The following SOX13 variants were observed in gnomAD, a reference collection of about 807,000 sequenced individuals.
SOX13 encodes transcription factor SOX-13.
SOX13 carries 28 observed loss-of-function variants against 71.8 expected under a neutral mutation model. The ratio of observed to expected loss-of-function variants is 0.39; its 90% CI spans 0.29 to 0.53. The LOEUF (loss-of-function observed/expected upper bound fraction) is 0.53, where lower values mean the gene tolerates loss of function less well. SOX13 is among the 20% of genes least tolerant of loss of function. SOX13 has a pLI of 0.70. For missense variants in SOX13, 627 were observed against 810.3 expected, an observed-to-expected ratio of 0.77 and a Z score of 2.75; for synonymous variants, 309 against 317.8, an observed-to-expected ratio of 0.97 and a Z score of 0.29.
intron 1 of SOX13, among the ~76,000 whole-genome samples, chr1:204,088,573 T>C (rs912026589): frequency 1.3e-5 from 2 of 152,224 alleles, no homozygotes; most frequent in African/African-American, 2.4e-5. Context: ...TTTTTGCACC[T>C]GTCTGTGCCT....
chr1:204,086,817 C>T (rs1338515120), intron 1 of SOX13, among the ~76,000 whole-genome samples: 5 of 152,136 alleles, frequency 3.3e-5, no homozygotes, highest in African/African-American at 1.2e-4. Context: ...GTGCTGGGCT[C>T]ACAGTAAATG....
At chr1:204,075,951 T>A (rs1172205916) in intron 1 of SOX13, among the ~76,000 whole-genome samples, 1 of 152,200 alleles carries the variant, frequency 6.6e-6, no homozygotes, top group Non-Finnish European at 1.5e-5. Context: ...ATTATAACAT[T>A]GCCCACTTCT....
At chr1:204,124,311 C>T (rs1656873999) in intron 12 of SOX13, among the ~76,000 whole-genome samples, 1 of 152,174 alleles carries the variant, frequency 6.6e-6, no homozygotes, top group Non-Finnish European at 1.5e-5. Flanking sequence ...GAGCAGGGAG[C>T]CTGTCTGGGT....
intron 1 of SOX13, among the ~76,000 whole-genome samples, chr1:204,096,088 G>A (rs528677498): frequency 6.6e-6 from 1 of 152,132 alleles, no homozygotes; most frequent in East Asian, 1.9e-4. Context: ...CACTTGAGTT[G>A]TTTCCCATTT....
chr1:204,102,143 G>C lies in SOX13; in HGVS notation c.-1-10772G>C, dbSNP rs1215859315. On this transcript the variant is annotated intron_variant, in intron 1 of 13. Coordinates refer to ENST00000367204, the MANE Select transcript of SOX13 (RefSeq NM_005686.3). ...GGCTTAGTCTACATGGCTTAGACTT[G>C]TCACAAAGCAAAAGCCGATAATGCC... 2.0e-5 allele frequency among the ~76,000 whole-genome samples: 3 copies of C among 152,198 alleles called. No individual in the cohort carries two copies. The East Asian group carries it at 5.8e-4, about 29-fold the overall frequency.
intron 1 of SOX13, among the ~76,000 whole-genome samples, chr1:204,102,657 T>C (rs1656384647): frequency 6.6e-6 from 1 of 150,804 alleles, no homozygotes; most frequent in Non-Finnish European, 1.5e-5. Flanking sequence ...CCTGGTGTTC[T>C]GCAGGTGCAT....
Position 204,122,843 on chromosome 1 carries a change from C to G in SOX13, c.1025-11C>G. On this transcript the variant is annotated splice_polypyrimidine_tract_variant and intron_variant, in intron 9 of 13. Coordinates refer to ENST00000367204, the MANE Select transcript of SOX13 (RefSeq NM_005686.3). ...TCGCTTCTCTTCCCTCTCTTCTGCC[C>G]TCTCCCACAGGCTTCCTTGGTGAAG... The G allele has an allele frequency of 6.6e-7, 1 of 1,525,234 alleles. No individual in the cohort carries two copies. Among genetic ancestry groups the G allele is most frequent in the South Asian group, 1.2e-5 (1 of 82,804 alleles). The allele number at this position is 1,525,234 out of a possible 1,614,324, so 94.5% of individuals were successfully genotyped here. A position where few individuals can be genotyped will look rare whatever the true frequency, so the allele number is the denominator to read the frequency against.
chr1:204,123,895 A>G lies in SOX13; in HGVS notation c.1375+91A>G. On this transcript the variant is annotated intron_variant, in intron 12 of 13. Transcript: ENST00000367204. The surrounding 1 kb of genome is among the most constrained non-coding windows in gnomAD (Gnocchi z 5.0). ...CAGGGCTTGCTTGGTGATATTCCAT[A>G]CTGTGTTGGACTCCAGTGGAATCTG... The G allele has an allele frequency of 2.2e-6, 3 of 1,380,022 alleles. No homozygotes were observed. In the South Asian group the frequency reaches 3.8e-5, roughly 18 times the overall value. The allele number at this position is 1,380,022 out of a possible 1,614,324, so 85.5% of individuals were successfully genotyped here.
At position 204,105,413 on chromosome 1, in the gene SOX13, C is replaced by CTTTTTTTTTTTTTTT. The variant is rs35841451; in HGVS notation, c.-1-7492_-1-7491insTTTTTTTTTTTTTTT. ...GAAGGCCTCTGACTCTGTATAATCTCTTTTTTTTTTGAGACAGAGTCTCCC... is the reference window on the plus strand; with the variant it reads ...GAAGGCCTCTGACTCTGTATAATCTCTTTTTTTTTTTTTTTTTTTTTTTTTGAGACAGAGTCTCCC... On this transcript the variant is annotated intron_variant, in intron 1 of 13. Coordinates refer to ENST00000367204, the MANE Select transcript of SOX13 (RefSeq NM_005686.3). 8.7e-3 allele frequency among the ~76,000 whole-genome samples: 1,192 copies of CTTTTTTTTTTTTTTT among 137,718 alleles called. 81 individuals are homozygous for CTTTTTTTTTTTTTTT. The highest frequency in any genetic ancestry group is 0.031 in the African/African-American group (992 of 32,332). 90.3% of individuals were successfully genotyped at this position (137,718 alleles called of 152,430 possible).
intron 1 of SOX13, among the ~76,000 whole-genome samples, chr1:204,102,472 C>T (rs1461179281): frequency 6.6e-6 from 1 of 152,126 alleles, no homozygotes; most frequent in East Asian, 1.9e-4. Context: ...GGTGGCGCTG[C>T]GAATGTGGGG....
At chr1:204,083,641 G>C (rs753240669) in intron 1 of SOX13, among the ~76,000 whole-genome samples, 18 of 152,220 alleles carry the variant, frequency 1.2e-4, no homozygotes, top group Non-Finnish European at 2.4e-4. Context: ...TAATCCAAGA[G>C]GTGATTGAAA....
rs748051921 is a variant in SOX13, at chr1:204,123,135, C to T, written c.1158C>T (p.Ser386=). The change falls in exon 11 of 14, where the codon TCC becomes TCT. Residue 386 remains serine (S), a synonymous_variant. Coordinates refer to ENST00000367204, the MANE Select transcript of SOX13 (RefSeq NM_005686.3). The surrounding 1 kb of genome is among the most constrained non-coding windows in gnomAD (Gnocchi z 5.0). ...AGGACCTCATCAGCCTGGACTCATC[C>T]CCAGCCAAGGAGCGGCTGGAGGACG... ...FRKDLISLDS[S]PAKERLEDGC... 5.6e-6 allele frequency: 9 copies of T among 1,613,714 alleles called. No individual in the cohort carries two copies. Among genetic ancestry groups the T allele is most frequent in the Non-Finnish European group, 7.6e-6 (9 of 1,179,718 alleles).
chr1:204,099,712 C>T (rs750335904), intron 1 of SOX13, among the ~76,000 whole-genome samples: 11 of 152,054 alleles, frequency 7.2e-5, no homozygotes, highest in Non-Finnish European at 1.5e-4. Context: ...TGCGCCCAGT[C>T]GGCATCTCAG....
Position 204,074,814 on chromosome 1 carries a change from G to A in SOX13, c.-2+1103G>A, listed in dbSNP as rs1183373490. Among the ~76,000 whole-genome samples, 3 of 152,260 alleles carry A rather than the reference G, an allele frequency of 2.0e-5. No individual in the cohort carries two copies. In the East Asian group the frequency reaches 5.8e-4, roughly 29 times the overall value. Reference sequence around the variant, plus strand: ...CGGCTCCCGCCCTGGAGGGCCCGCGGCAGCTGCAAAGACTCCGCTGGCGCT... The same window carrying A: ...CGGCTCCCGCCCTGGAGGGCCCGCGACAGCTGCAAAGACTCCGCTGGCGCT... On this transcript the variant is annotated intron_variant, in intron 1 of 13. Coordinates refer to ENST00000367204, the MANE Select transcript of SOX13 (RefSeq NM_005686.3).
chr1:204,088,234 T>C lies in SOX13; in HGVS notation c.-2+14523T>C, dbSNP rs146994590. ...CCTGTTTTCTCTTCCCCTGTGGTCA[T>C]GTTTCTCAGATAGCCACAAAGTGGG... On this transcript the variant is annotated intron_variant, in intron 1 of 13. Coordinates refer to ENST00000367204, the MANE Select transcript of SOX13 (RefSeq NM_005686.3). Among the ~76,000 whole-genome samples, 31 of 152,280 alleles carry C rather than the reference T, an allele frequency of 2.0e-4. No homozygotes were observed. In the East Asian group the frequency reaches 2.7e-3, roughly 13 times the overall value.
In SOX13 at chr1:204,081,155, C is replaced by T. The variant is rs1477913356; in HGVS notation, c.-2+7444C>T. On this transcript the variant is annotated intron_variant, in intron 1 of 13. Coordinates refer to ENST00000367204, the MANE Select transcript of SOX13 (RefSeq NM_005686.3). This position sits in a 1 kb window ranked among gnomAD's most constrained non-coding sequence, Gnocchi z 4.3. ...CTCGAACTCCCGACCTCAGGTGATC[C>T]GCCTGCTTTGGCCTCCCGAAGTGCT... 2.6e-5 allele frequency among the ~76,000 whole-genome samples: 4 copies of T among 152,022 alleles called. No individual in the cohort carries two copies. Among genetic ancestry groups the T allele is most frequent in the East Asian group, 1.9e-4 (1 of 5,168 alleles).
chr1:204,107,121 C>A (rs1412203788), intron 1 of SOX13, among the ~76,000 whole-genome samples: 1 of 152,180 alleles, frequency 6.6e-6, no homozygotes, highest in South Asian at 2.1e-4. Context: ...TCCTGGACTG[C>A]GCACAACTTA....
intron 1 of SOX13, among the ~76,000 whole-genome samples, chr1:204,112,209 G>A (rs1424214475): frequency 6.6e-6 from 1 of 152,206 alleles, no homozygotes; most frequent in Non-Finnish European, 1.5e-5. Flanking sequence ...GGGAGGCTGA[G>A]GCGGGCAGAT....
chr1:204,099,118 T>C (rs1187943009), intron 1 of SOX13, among the ~76,000 whole-genome samples: 2 of 152,162 alleles, frequency 1.3e-5, no homozygotes, highest in African/African-American at 4.8e-5. Flanking sequence ...TTGGGACCTC[T>C]GACTAGTAGA....
Sources: allele counts gnomAD v4.1 joint callset (sites outside exome capture counted in the v4.1 genomes callset), GRCh38; gene constraint gnomAD v4.1.1; non-coding constraint Gnocchi (gnomAD v3.1); transcripts MANE v1.5; gene names NCBI Gene and HGNC (gene_info 2026-07-23, HGNC 2026-07-21).